MKX: variants seen among roughly 807,000 people sequenced by gnomAD.
The protein encoded by MKX is mohawk homeobox.
Under a neutral mutation model 36.0 loss-of-function variants are expected in MKX, and 13 were observed. That is an observed-to-expected ratio of 0.36 (90% CI 0.24 to 0.57). MKX has a LOEUF of 0.57. Ranked by LOEUF, MKX falls within the 20% of genes least tolerant of loss-of-function variation. The probability of loss-of-function intolerance (pLI) is 0.79; values close to 1 mark genes in which losing one functional copy is unlikely to be tolerated. For missense variants in MKX, 458 were observed against 456.4 expected, an observed-to-expected ratio of 1.00 and a Z score of -0.03; for synonymous variants, 176 against 178.3, an observed-to-expected ratio of 0.99 and a Z score of 0.10.
intron 5 of MKX, among the ~76,000 whole-genome samples, chr10:27,711,686 C>T (rs955020674): frequency 6.6e-6 from 1 of 151,490 alleles, no homozygotes; most frequent in Non-Finnish European, 1.5e-5. Context: ...ACCCTGCTGC[C>T]TCAATCCCTC....
At chr10:27,715,458 G>A (rs1363914925) in intron 5 of MKX, among the ~76,000 whole-genome samples, 4 of 152,178 alleles carry the variant, frequency 2.6e-5, no homozygotes, top group Admixed American at 6.5e-5. Context: ...AGGGTGCTAC[G>A]TGGCTGATCC....
chr10:27,675,502 A>G lies in MKX; in HGVS notation c.872+19T>C. 9 of 1,614,178 alleles carry G rather than the reference A, an allele frequency of 5.6e-6. No homozygotes were observed. Among genetic ancestry groups the G allele is most frequent in the Non-Finnish European group, 7.6e-6 (9 of 1,180,028 alleles). ...CATCGCTGAAAAGCAGGAACGGCCA[A>G]TGGGAACATTTTGCTCACCTTTCAC... On this transcript the variant is annotated intron_variant, in intron 6 of 6. Transcript: ENST00000419761.
chr10:27,723,022 T>C lies in MKX; in HGVS notation c.838+11434A>G, dbSNP rs1442575998. Among the ~76,000 whole-genome samples, 3 of 152,172 alleles carry C rather than the reference T, an allele frequency of 2.0e-5. 1 individual carries two copies. Among genetic ancestry groups the C allele is most frequent in the African/African-American group, 7.2e-5 (3 of 41,440 alleles). On this transcript the variant is annotated intron_variant, in intron 5 of 6. Coordinates refer to ENST00000419761, the MANE Select transcript of MKX (RefSeq NM_173576.3). ...TATTTTCCTAATGAGAGGAAAGTTA[T>C]TGTAACTATAAACTAAATTTTACTG...
At position 27,673,097 on chromosome 10, in the gene MKX, A is replaced by C. The variant is rs1023208996; in HGVS notation, c.*2132T>G. On this transcript the variant is annotated 3_prime_UTR_variant, in exon 7 of 7. Transcript: ENST00000419761. ...ATCCAGAAAATGTTAAAGCAGCAAAAGAAAAAATAAATTAAAAAGTCATTG... is the reference window on the plus strand; with the variant it reads ...ATCCAGAAAATGTTAAAGCAGCAAACGAAAAAATAAATTAAAAAGTCATTG... The C allele has an allele frequency of 6.6e-6, 1 of 152,208 alleles. No homozygotes were observed. Among genetic ancestry groups the C allele is most frequent in the South Asian group, 2.1e-4 (1 of 4,830 alleles). 9.4% of individuals were successfully genotyped at this position (152,208 alleles called of 1,614,324 possible).
At chr10:27,704,962 C>T (rs1400237505) in intron 5 of MKX, among the ~76,000 whole-genome samples, 1 of 152,110 alleles carries the variant, frequency 6.6e-6, no homozygotes, top group Non-Finnish European at 1.5e-5. Flanking sequence ...AGGCTCATCT[C>T]CCTCCATAAA....
intron 5 of MKX, among the ~76,000 whole-genome samples, chr10:27,678,727 A>G (rs2132487451): frequency 6.6e-6 from 1 of 152,322 alleles, no homozygotes; most frequent in East Asian, 1.9e-4. Context: ...ATTTAAGATG[A>G]GGAGTCAACT....
intron 4 of MKX, 41 bp from the exon 5 acceptor site, chr10:27,734,832 CT>C (rs774216352): frequency 1.6e-5 from 22 of 1,387,424 alleles, no homozygotes; most frequent in Non-Finnish European, 3.9e-6. Context: ...GGTATGCATA[CT>C]TTCCCCCAGC....
intron 5 of MKX, among the ~76,000 whole-genome samples, chr10:27,680,903 C>T (rs1055773498): frequency 6.6e-6 from 1 of 152,050 alleles, no homozygotes; most frequent in Non-Finnish European, 1.5e-5. Flanking sequence ...TGAAATAGCT[C>T]GGCCAAGGGG....
chr10:27,684,079 C>T (rs747830435), intron 5 of MKX, among the ~76,000 whole-genome samples: 8 of 151,976 alleles, frequency 5.3e-5, no homozygotes, highest in South Asian at 2.1e-4. Flanking sequence ...TTTGGGAGAC[C>T]GAGGTGGGAG....
At chr10:27,733,634 C>T (rs1257714339) in intron 5 of MKX, among the ~76,000 whole-genome samples, 1 of 152,148 alleles carries the variant, frequency 6.6e-6, no homozygotes, top group Non-Finnish European at 1.5e-5. Flanking sequence ...TATTCTAAAT[C>T]TCATTTGCTG....
intron 5 of MKX, among the ~76,000 whole-genome samples, chr10:27,717,453 G>A (rs1237420636): frequency 1.3e-5 from 2 of 152,176 alleles, no homozygotes; most frequent in Non-Finnish European, 2.9e-5. Context: ...ATTCCTGACT[G>A]CTGCATGCAA....
intron 5 of MKX, among the ~76,000 whole-genome samples, chr10:27,706,825 T>A (rs1340846378): frequency 6.6e-6 from 1 of 152,216 alleles, no homozygotes; most frequent in African/African-American, 2.4e-5. Flanking sequence ...ATATTTATAC[T>A]TGCTCTTAAA....
chr10:27,730,081 A>G (rs1027119619), intron 5 of MKX, among the ~76,000 whole-genome samples: 21 of 152,204 alleles, frequency 1.4e-4, no homozygotes, highest in Non-Finnish European at 2.5e-4. Context: ...TATAATTTTA[A>G]TTTAGATGAC....
In MKX at chr10:27,675,208, G is replaced by T; in HGVS notation, c.*21C>A. 1.2e-6 allele frequency: 2 copies of T among 1,607,364 alleles called. No homozygotes were observed. The highest frequency in any genetic ancestry group is 1.1e-5 in the South Asian group (1 of 90,060). On this transcript the variant is annotated 3_prime_UTR_variant, in exon 7 of 7. Transcript: ENST00000419761. ...AAAACACCGGAAAGAACATCCATTG[G>T]ATCTGAAAAGCAACAAGCTCTTAAA... is the stretch of plus-strand genomic sequence containing the variant.
At chr10:27,743,560 A>G in intron 1 of MKX, 63 bp from the exon 2 acceptor site, 1 of 911,784 alleles carries the variant, frequency 1.1e-6, no homozygotes, top group Non-Finnish European at 1.5e-6. Flanking sequence ...CTGCAGGTTC[A>G]GGGCCTTGAA....
Position 27,743,412 on chromosome 10 carries a change from T to G in MKX, c.4A>C (p.Asn2His). 6.4e-7 allele frequency: 1 copy of G among 1,552,736 alleles called. No individual in the cohort carries two copies. The highest frequency in any genetic ancestry group is 8.7e-7 in the Non-Finnish European group (1 of 1,152,334). M[N>H]TIVFNKLSGA... ...CTGAGCTTGTTGAAGACGATGGTGT[T>G]CATGGTGTCGGTTGGTAGGGACGCG... The change falls in exon 2 of 7, where the codon AAC becomes CAC. Residue 2 changes from asparagine (N) to histidine (H), a missense_variant. Asn to His is a moderately conservative substitution (Grantham distance 68). This residue lies in a region of MKX where 149 missense variants were observed against 114.3 expected (regional missense o/e 1.30). Transcript: ENST00000419761.
chr10:27,734,114 T>C (rs2132639936), intron 5 of MKX, among the ~76,000 whole-genome samples: 1 of 152,266 alleles, frequency 6.6e-6, no homozygotes, highest in African/African-American at 2.4e-5. Context: ...ATTGTTATTC[T>C]GAAGATTAAA....
intron 5 of MKX, among the ~76,000 whole-genome samples, chr10:27,725,316 A>G (rs1789570363): frequency 6.6e-6 from 1 of 152,224 alleles, no homozygotes; most frequent in Admixed American, 6.5e-5. Context: ...CAAAGAGGAA[A>G]GAGAGAAAAA....
chr10:27,745,217 C>T (rs1435184583), intron 1 of MKX, among the ~76,000 whole-genome samples: 1 of 152,124 alleles, frequency 6.6e-6, no homozygotes, highest in Non-Finnish European at 1.5e-5. Flanking sequence ...GACACTTCCC[C>T]GGCAGCCCCA....
Sources: gnomAD v4.1 joint callset for allele counts (sites outside exome capture counted in the v4.1 genomes callset) on GRCh38, gnomAD v4.1.1 for gene constraint, gnomAD v4.1.1 regional missense constraint, MANE v1.5 for transcripts, NCBI Gene and HGNC (gene_info 2026-07-23, HGNC 2026-07-21) for gene names.